The following NPSR1 variants were observed in gnomAD, a reference collection of about 807,000 sequenced individuals.
NPSR1 encodes the protein neuropeptide S receptor.
NPSR1 carries 48 observed loss-of-function variants against 46.9 expected under a neutral mutation model. The observed-to-expected ratio is 1.02, with a 90% CI of 0.81 to 1.30. NPSR1 has a LOEUF of 1.30. Ranked by LOEUF, NPSR1 falls within the 50% of genes most tolerant of loss-of-function variation. The pLI, the probability that NPSR1 is intolerant of heterozygous loss-of-function variation, is 0.00. For synonymous variants in NPSR1, 176 were observed against 168.1 expected (o/e 1.05, Z -0.36); for missense variants, 450 against 449.5 (o/e 1.00, Z -0.01).
Position 34,826,141 on chromosome 7 carries a change from C to T in NPSR1, c.479-1260C>T, listed in dbSNP as rs35158796. On this transcript the variant is annotated intron_variant, in intron 4 of 8. Transcript: ENST00000360581. ...CAGGCAGGAAAACCTCTCCCCCTGT[C>T]CCCAGTGGATTACCGGTTGCATGTA... 2.8e-3 allele frequency among the ~76,000 whole-genome samples: 423 copies of T among 152,230 alleles called. 2 individuals carry two copies. The highest frequency in any genetic ancestry group is 9.5e-3 in the African/African-American group (395 of 41,522).
intron 8 of NPSR1, among the ~76,000 whole-genome samples, chr7:34,868,372 T>G (rs1791368637): frequency 6.6e-6 from 1 of 151,610 alleles, no homozygotes; most frequent in African/African-American, 2.4e-5. Context: ...CCTAAGTAAC[T>G]CTAACCCAAA....
At chr7:34,671,895 G>GTT (rs1792078392) in intron 1 of NPSR1, among the ~76,000 whole-genome samples, 1 of 135,500 alleles carries the variant, frequency 7.4e-6, no homozygotes, top group African/African-American at 3.3e-5. Context: ...GCCAAAGTGG[G>GTT]CCCTCCAGGG....
At chr7:34,786,287 T>C (rs935555588) in intron 3 of NPSR1, among the ~76,000 whole-genome samples, 2 of 152,174 alleles carry the variant, frequency 1.3e-5, no homozygotes, top group African/African-American at 4.8e-5. Context: ...TCTTTGCTCA[T>C]CCATAATAAG....
At chr7:34,841,214 T>G (rs1302596047) in intron 6 of NPSR1, among the ~76,000 whole-genome samples, 1 of 152,142 alleles carries the variant, frequency 6.6e-6, no homozygotes, top group Non-Finnish European at 1.5e-5. Context: ...ACAGATGAAT[T>G]CCCCCCACTA....
intron 2 of NPSR1, among the ~76,000 whole-genome samples, chr7:34,777,011 T>C (rs2128736063): frequency 6.6e-6 from 1 of 152,260 alleles, no homozygotes; most frequent in East Asian, 1.9e-4. Flanking sequence ...GAGACCTCTT[T>C]TGGAGCTGTG....
At chr7:34,709,684 C>T (rs1783177496) in intron 2 of NPSR1, among the ~76,000 whole-genome samples, 1 of 152,138 alleles carries the variant, frequency 6.6e-6, no homozygotes, top group Non-Finnish European at 1.5e-5. Context: ...GATTGTTTGC[C>T]TAACCTCACT....
chr7:34,853,653 G>T (rs2128766479), downstream of NPSR1, among the ~76,000 whole-genome samples: 1 of 152,272 alleles, frequency 6.6e-6, no homozygotes, highest in South Asian at 2.1e-4. Flanking sequence ...TTCCAAGGAG[G>T]TGACTCAATA....
intron 2 of NPSR1, among the ~76,000 whole-genome samples, chr7:34,689,604 CAAAAAAAAAAAAAAA>C (rs869170591): frequency 8.2e-5 from 3 of 36,688 alleles, no homozygotes; most frequent in South Asian, 2.2e-3. Flanking sequence ...GACTCTGTCT[CAAAAAAAAAAAAAAA>C]AAAAAAAAAA....
intron 7 of NPSR1, among the ~76,000 whole-genome samples, chr7:34,846,929 A>G (rs1402549490): frequency 6.6e-6 from 1 of 152,192 alleles, no homozygotes; most frequent in Non-Finnish European, 1.5e-5. Context: ...GTACCATGCC[A>G]GAGGACTGGT....
intron 8 of NPSR1, among the ~76,000 whole-genome samples, chr7:34,875,566 A>G (rs999380444): frequency 4.6e-5 from 7 of 152,164 alleles, no homozygotes; most frequent in South Asian, 2.1e-4. Context: ...AGATCCCCAA[A>G]TGTGAGGCAA....
chr7:34,726,645 T>C (rs953748931), intron 2 of NPSR1, among the ~76,000 whole-genome samples: 1 of 152,036 alleles, frequency 6.6e-6, no homozygotes, highest in Admixed American at 6.5e-5. Context: ...AAACAAACTA[T>C]AGTACATCCA....
chr7:34,782,269 A>G (rs1319723384), intron 3 of NPSR1, among the ~76,000 whole-genome samples: 1 of 152,012 alleles, frequency 6.6e-6, no homozygotes, highest in African/African-American at 2.4e-5. Context: ...TTTCATGGCT[A>G]CTCCATGAGT....
intron 2 of NPSR1, among the ~76,000 whole-genome samples, chr7:34,760,664 C>A (rs1386394328): frequency 6.6e-6 from 1 of 152,196 alleles, no homozygotes; most frequent in African/African-American, 2.4e-5. Context: ...AAAGTTACTG[C>A]AACCCATCAT....
intron 8 of NPSR1, 109 bp from the exon 9 acceptor site, chr7:34,849,456 T>C: frequency 1.2e-6 from 2 of 1,601,376 alleles, no homozygotes; most frequent in South Asian, 2.2e-5. Flanking sequence ...CCTGGCACAG[T>C]TGTCTGACAT....
chr7:34,801,949 G>T lies in NPSR1; in HGVS notation c.385-9821G>T, dbSNP rs567401400. ...GACAATCAGAGAGCCAAATCATGAGGGAACACCCATTCACAATTGCTTCAA... is the reference window on the plus strand; with the variant it reads ...GACAATCAGAGAGCCAAATCATGAGTGAACACCCATTCACAATTGCTTCAA... On this transcript the variant is annotated intron_variant, in intron 3 of 8. Coordinates refer to ENST00000360581, the MANE Select transcript of NPSR1 (RefSeq NM_207172.2). Among the ~76,000 whole-genome samples, 194 of 149,814 alleles carry T rather than the reference G, an allele frequency of 1.3e-3. 1 individual carries two copies. The highest frequency in any genetic ancestry group is 7.6e-3 in the East Asian group (39 of 5,162).
intron 2 of NPSR1, among the ~76,000 whole-genome samples, chr7:34,705,704 T>C (rs1794072067): frequency 6.6e-6 from 1 of 152,172 alleles, no homozygotes; most frequent in African/African-American, 2.4e-5. Flanking sequence ...TGTTTATCTA[T>C]CTTCTTTTTA....
chr7:34,679,795 T>TACTAA (rs1792523871), intron 1 of NPSR1, among the ~76,000 whole-genome samples: 2 of 152,100 alleles, frequency 1.3e-5, no homozygotes, highest in African/African-American at 4.8e-5. Flanking sequence ...AAGGTAAACT[T>TACTAA]TAAAATTAGT....
intron 1 of NPSR1, among the ~76,000 whole-genome samples, chr7:34,660,325 A>G (rs1026413768): frequency 7.2e-5 from 11 of 152,236 alleles, no homozygotes; most frequent in Non-Finnish European, 1.3e-4. Flanking sequence ...TTAGTTACAC[A>G]GTGATTACTG....
intron 2 of NPSR1, chr7:34,761,250 T>A (rs1382862229): frequency 6.6e-6 from 1 of 152,448 alleles, no homozygotes; most frequent in Non-Finnish European, 1.5e-5. Context: ...AGCCTGACAT[T>A]AACCTGACAG....
Sources: allele counts gnomAD v4.1 joint callset (sites outside exome capture counted in the v4.1 genomes callset), GRCh38; gene constraint gnomAD v4.1.1; transcripts MANE v1.5; gene names NCBI Gene and HGNC (gene_info 2026-07-23, HGNC 2026-07-21).